Variants in TRPC4AP observed in about 807,000 individuals in gnomAD.
TRPC4AP encodes the protein short transient receptor potential channel 4-associated protein.
TRPC4AP carries 45 observed loss-of-function variants against 99.0 expected under a neutral mutation model. The observed-to-expected ratio is 0.45, with a 90% CI of 0.36 to 0.58. TRPC4AP has a LOEUF of 0.58. Among genes scored for constraint, TRPC4AP ranks in the 20% least tolerant of loss-of-function variants. The pLI is 0.00. For missense variants in TRPC4AP, 879 were observed against 985.3 expected (o/e 0.89, Z 1.44); for synonymous variants, 408 against 385.8 (o/e 1.06, Z -0.67).
intron 7 of TRPC4AP, among the ~76,000 whole-genome samples, chr20:35,043,629 C>T (rs1303848362): frequency 6.6e-6 from 1 of 152,068 alleles, no homozygotes; most frequent in Non-Finnish European, 1.5e-5. Context: ...AGCACCAAAC[C>T]CTATATATAC....
intron 7 of TRPC4AP, among the ~76,000 whole-genome samples, chr20:35,043,597 G>A (rs1453588551): frequency 1.3e-5 from 2 of 152,148 alleles, no homozygotes; most frequent in Non-Finnish European, 2.9e-5. Flanking sequence ...GACCCTCACA[G>A]TGGATACCTG....
chr20:35,084,780 AG>A (rs1319262840), intron 1 of TRPC4AP, among the ~76,000 whole-genome samples: 1 of 150,616 alleles, frequency 6.6e-6, no homozygotes, highest in Non-Finnish European at 1.5e-5. Flanking sequence ...ATATATATAC[AG>A]GGTATATGTA....
At chr20:35,004,363 T>C in intron 17 of TRPC4AP, 95 bp downstream of exon 17, 1 of 1,064,998 alleles carries the variant, frequency 9.4e-7, no homozygotes, top group Non-Finnish European at 1.4e-6. Context: ...AGAGACGCAC[T>C]TCTGGAGTGG....
chr20:35,021,389 C>A, intron 8 of TRPC4AP, 33 bp from the exon 9 acceptor site: 1 of 1,606,208 alleles, frequency 6.2e-7, no homozygotes, highest in South Asian at 1.1e-5. Flanking sequence ...GATTGAGTCA[C>A]AGCTTGTGAG....
chr20:35,092,568 C>T (rs933162612), intron 1 of TRPC4AP, 46 bp downstream of exon 1: 48 of 1,401,790 alleles, frequency 3.4e-5, no homozygotes, highest in Non-Finnish European at 4.4e-5. Context: ...CCCGCCAGCT[C>T]CCGCCTGGTC....
chr20:35,034,600 G>T (rs1164265015), intron 8 of TRPC4AP, among the ~76,000 whole-genome samples: 1 of 152,102 alleles, frequency 6.6e-6, no homozygotes. Context: ...GAATTCCTGG[G>T]TTTGTATATT....
intron 9 of TRPC4AP, among the ~76,000 whole-genome samples, chr20:35,016,714 T>C (rs886261578): frequency 2.0e-5 from 3 of 152,304 alleles, no homozygotes; most frequent in Non-Finnish European, 2.9e-5. Context: ...CTTGTTGACA[T>C]CAACCACCTA....
chr20:35,019,882 T>G (rs1218977411), intron 9 of TRPC4AP, among the ~76,000 whole-genome samples: 1 of 152,058 alleles, frequency 6.6e-6, no homozygotes, highest in Non-Finnish European at 1.5e-5. Flanking sequence ...CAACACCAGG[T>G]GTAGGTAATC....
At chr20:35,091,301 A>G (rs1490496059) in intron 1 of TRPC4AP, among the ~76,000 whole-genome samples, 2 of 152,042 alleles carry the variant, frequency 1.3e-5, no homozygotes, top group Non-Finnish European at 2.9e-5. Context: ...CACAAGGGGG[A>G]AAAAGGCTGC....
intron 3 of TRPC4AP, among the ~76,000 whole-genome samples, chr20:35,063,855 T>C (rs2084072803): frequency 2.6e-5 from 4 of 152,024 alleles, no homozygotes. Flanking sequence ...TGCAACTCTA[T>C]CTCTAAAATC....
intron 13 of TRPC4AP, among the ~76,000 whole-genome samples, chr20:35,007,924 G>A (rs530022125): frequency 8.5e-5 from 13 of 152,310 alleles, no homozygotes; most frequent in Admixed American, 3.3e-4. Flanking sequence ...GCGAGCCCCC[G>A]TGAAACATAC....
At chr20:35,068,051 A>G (rs546008350) in intron 3 of TRPC4AP, among the ~76,000 whole-genome samples, 2 of 152,344 alleles carry the variant, frequency 1.3e-5, no homozygotes, top group Admixed American at 1.3e-4. Context: ...AAAACTATGG[A>G]AAAATATCAC....
chr20:35,047,294 T>C (rs534654503), intron 6 of TRPC4AP, among the ~76,000 whole-genome samples: 1 of 152,364 alleles, frequency 6.6e-6, no homozygotes, highest in East Asian at 1.9e-4. Flanking sequence ...CATTAATTAT[T>C]ATTGCCTTGC....
At chr20:35,083,015 G>A (rs569983122) in intron 1 of TRPC4AP, among the ~76,000 whole-genome samples, 29 of 152,274 alleles carry the variant, frequency 1.9e-4, no homozygotes, top group African/African-American at 7.0e-4. Context: ...AGGCAGCAGA[G>A]TAAGGCAAGA....
chr20:35,047,154 T>G (rs113614784), intron 6 of TRPC4AP, among the ~76,000 whole-genome samples: 6 of 151,492 alleles, frequency 4.0e-5, no homozygotes, highest in Non-Finnish European at 7.4e-5. Context: ...TGAGAGCCAC[T>G]GTGGCTGGCC....
intron 1 of TRPC4AP, among the ~76,000 whole-genome samples, chr20:35,088,322 G>C (rs1186284115): frequency 6.6e-6 from 1 of 152,194 alleles, no homozygotes; most frequent in Admixed American, 6.5e-5. Flanking sequence ...GTAAATACCA[G>C]AGCTAGGTTT....
chr20:35,003,055 G>T lies in TRPC4AP; in HGVS notation c.*91C>A. ...AAAGACCTGGGGCAGGCAGAGAGCA[G>T]CAGGGAGGAACGGGAACAGGGCAGG... On this transcript the variant is annotated 3_prime_UTR_variant, in exon 19 of 19. Coordinates refer to ENST00000252015, the MANE Select transcript of TRPC4AP (RefSeq NM_015638.3). 1 of 1,542,688 alleles carries T rather than the reference G, an allele frequency of 6.5e-7. No individual in the cohort carries two copies. Among genetic ancestry groups the T allele is most frequent in the Non-Finnish European group, 8.8e-7 (1 of 1,136,228 alleles).
intron 1 of TRPC4AP, among the ~76,000 whole-genome samples, chr20:35,087,729 T>A (rs2084928270): frequency 6.6e-6 from 1 of 152,218 alleles, no homozygotes; most frequent in Admixed American, 6.5e-5. Context: ...AATGTGCTGA[T>A]GAATATGAAA....
chr20:35,049,840 C>T lies in TRPC4AP; in HGVS notation c.657+26G>A. On this transcript the variant is annotated intron_variant, in intron 6 of 18. Coordinates refer to ENST00000252015, the MANE Select transcript of TRPC4AP (RefSeq NM_015638.3). ...AATGGTCTGAGACACCCTTCCCCAT[C>T]TGGTCAGCTAGAGGACACAGCTCAC... 4 of 1,596,892 alleles carry T rather than the reference C, an allele frequency of 2.5e-6. No individual in the cohort carries two copies. The South Asian group carries it at 4.5e-5, about 18-fold the overall frequency.
Sources: gnomAD v4.1 joint callset for allele counts (sites outside exome capture counted in the v4.1 genomes callset) on GRCh38, gnomAD v4.1.1 for gene constraint, MANE v1.5 for transcripts, NCBI Gene and HGNC (gene_info 2026-07-23, HGNC 2026-07-21) for gene names.